Variants in OR2L13 observed in about 807,000 individuals in gnomAD.
OR2L13 encodes olfactory receptor 2L13.
OR2L13 carries 14 observed loss-of-function variants against 15.3 expected under a neutral mutation model. The ratio of observed to expected loss-of-function variants is 0.91; its 90% CI spans 0.60 to 1.43. OR2L13 has a LOEUF of 1.43. Ranked by LOEUF, OR2L13 falls within the 40% of genes most tolerant of loss-of-function variation. OR2L13 has a pLI of 0.00. For missense variants in OR2L13, 367 were observed against 387.9 expected (o/e 0.95, Z 0.45); for synonymous variants, 152 against 142.9 (o/e 1.06, Z -0.45).
At chr1:247,954,485 C>G in the OR2L13 span, among the ~76,000 whole-genome samples, 1 of 152,214 alleles carries the variant, frequency 6.6e-6, no homozygotes, top group East Asian at 1.9e-4. Flanking sequence ...TTTTAAAATA[C>G]ATTTATATTC....
At chr1:247,984,755 T>C in the OR2L13 span, among the ~76,000 whole-genome samples, 306 of 152,338 alleles carry the variant, frequency 2.0e-3, no homozygotes, top group Non-Finnish European at 3.4e-3. Context: ...TGCACCATTT[T>C]AACTATTTTA....
the OR2L13 span, among the ~76,000 whole-genome samples, chr1:247,947,324 A>G: frequency 6.6e-6 from 1 of 152,168 alleles, no homozygotes; most frequent in African/African-American, 2.4e-5. Context: ...GTGATTGTGC[A>G]TATTTGTGTG....
the OR2L13 span, among the ~76,000 whole-genome samples, chr1:247,982,058 A>G: frequency 3.2e-4 from 48 of 152,244 alleles, no homozygotes; most frequent in East Asian, 1.4e-3. Flanking sequence ...CTCGTGATCC[A>G]TCCGCCTCGG....
At chr1:248,013,144 A>G in the OR2L13 span, among the ~76,000 whole-genome samples, 1 of 150,550 alleles carries the variant, frequency 6.6e-6, no homozygotes, top group Non-Finnish European at 1.5e-5. Flanking sequence ...AATAACTTCT[A>G]CTTACATGTT....
At chr1:247,950,375 A>G in the OR2L13 span, among the ~76,000 whole-genome samples, 5 of 152,168 alleles carry the variant, frequency 3.3e-5, no homozygotes, top group South Asian at 2.1e-4. Flanking sequence ...TGCTTTCTGT[A>G]GTGGAATGAA....
the OR2L13 span, chr1:247,949,456 T>A: frequency 1.9e-6 from 3 of 1,594,732 alleles, no homozygotes; most frequent in Non-Finnish European, 2.6e-6. Flanking sequence ...ACAGTGTTTT[T>A]GAGTGCCACC....
At chr1:247,949,224 A>C in the OR2L13 span, 9 of 1,614,170 alleles carry the variant, frequency 5.6e-6, no homozygotes, top group Non-Finnish European at 7.6e-6. Context: ...TGATCGTTAC[A>C]TTGCTATTTG....
At chr1:248,003,252 A>G in the OR2L13 span, 1 of 1,569,490 alleles carries the variant, frequency 6.4e-7, no homozygotes, top group South Asian at 1.1e-5. Context: ...CTAATTGGAA[A>G]CCTATCCATG....
At chr1:247,957,252 T>C in the OR2L13 span, among the ~76,000 whole-genome samples, 1 of 152,228 alleles carries the variant, frequency 6.6e-6, no homozygotes, top group Non-Finnish European at 1.5e-5. Context: ...CATTTATTGA[T>C]TTGCATATGT....
the OR2L13 span, among the ~76,000 whole-genome samples, chr1:247,940,906 A>G: frequency 5.5e-3 from 838 of 152,156 alleles, 11 homozygotes; most frequent in African/African-American, 0.019. Context: ...CTTCATCAAC[A>G]TCTGTGCTTT....
chr1:247,964,846 AAT>A, the OR2L13 span, among the ~76,000 whole-genome samples: 2 of 149,164 alleles, frequency 1.3e-5, no homozygotes, highest in South Asian at 2.1e-4. Context: ...GCATATATGT[AAT>A]ATATAATATA....
At chr1:247,946,412 T>G in the OR2L13 span, among the ~76,000 whole-genome samples, 1 of 152,206 alleles carries the variant, frequency 6.6e-6, no homozygotes, top group Non-Finnish European at 1.5e-5. Flanking sequence ...AATCTCAGAC[T>G]AAAAGCTGCC....
At chr1:247,945,541 G>A in the OR2L13 span, among the ~76,000 whole-genome samples, 4 of 152,154 alleles carry the variant, frequency 2.6e-5, no homozygotes, top group Non-Finnish European at 4.4e-5. Context: ...CTGAGTTCAA[G>A]TCCTGAATAT....
chr1:248,003,740 A>G, the OR2L13 span: 15 of 1,613,752 alleles, frequency 9.3e-6, no homozygotes, highest in Middle Eastern at 1.6e-4. Flanking sequence ...GAGTGCCACC[A>G]TCTTTCTCGT....
chr1:247,947,938 T>C, the OR2L13 span, among the ~76,000 whole-genome samples: 1 of 152,088 alleles, frequency 6.6e-6, no homozygotes, highest in Admixed American at 6.6e-5. Context: ...AAACATGGGT[T>C]GGGTGGGGAG....
the OR2L13 span, among the ~76,000 whole-genome samples, chr1:247,950,770 G>A: frequency 6.6e-6 from 1 of 152,044 alleles, no homozygotes; most frequent in Non-Finnish European, 1.5e-5. Flanking sequence ...TAGGGGAGGG[G>A]GGATAAAGTG....
chr1:248,038,680 G>C, the OR2L13 span: 1 of 1,614,178 alleles, frequency 6.2e-7, no homozygotes, highest in Non-Finnish European at 8.5e-7. Context: ...ATAAGCAAAA[G>C]AGTGTGTGTG....
the OR2L13 span, among the ~76,000 whole-genome samples, chr1:248,025,427 A>G: frequency 6.7e-6 from 1 of 149,294 alleles, no homozygotes; most frequent in Admixed American, 6.6e-5. Context: ...TAGAATGGCA[A>G]TCATTAAAAA....
At chr1:248,065,579 C>G in the OR2L13 span, among the ~76,000 whole-genome samples, 1 of 114,824 alleles carries the variant, frequency 8.7e-6, no homozygotes, top group South Asian at 3.9e-4. Flanking sequence ...TGCTATCCCT[C>G]CCCCCTCCCC....
Sources: gnomAD v4.1 joint callset for allele counts (sites outside exome capture counted in the v4.1 genomes callset) on GRCh38, gnomAD v4.1.1 for gene constraint, MANE v1.5 for transcripts, NCBI Gene and HGNC (gene_info 2026-07-23, HGNC 2026-07-21) for gene names.